The following SPNS1 variants were observed in gnomAD, a reference collection of about 807,000 sequenced individuals.
The protein encoded by SPNS1 is protein spinster homolog 1.
Under a neutral mutation model 50.3 loss-of-function variants are expected in SPNS1, and 22 were observed. The observed-to-expected ratio is 0.44, with a 90% CI of 0.31 to 0.62. SPNS1 has a LOEUF of 0.62. SPNS1 is among the 20% of genes least tolerant of loss of function. SPNS1 has a pLI of 0.07. For synonymous variants in SPNS1, 295 were observed against 317.4 expected, an observed-to-expected ratio of 0.93 and a Z score of 0.75; for missense variants, 576 against 728.6, an observed-to-expected ratio of 0.79 and a Z score of 2.41.
chr16:28,981,998 G>C lies in SPNS1; in HGVS notation c.907G>C (p.Val303Leu). The change falls in exon 7 of 12, where the codon GTG (valine) becomes CTG (leucine). Residue 303 changes from valine (V) to leucine (L), a missense_variant. Val to Leu is a conservative substitution (Grantham distance 32). This residue lies in a region of SPNS1 where 428 missense variants were observed against 520.1 expected (regional missense o/e 0.82). Coordinates refer to ENST00000311008, the MANE Select transcript of SPNS1 (RefSeq NM_032038.3). This position sits in a 1 kb window ranked among gnomAD's most constrained non-coding sequence, Gnocchi z 4.2. The part of the protein sequence containing the change: ...WAPAFLLRSR[V>L]VLGETPPCLP... ...TCCGGCATTCCTGCTGCGTTCCCGC[G>C]TGGTCCTTGGGGAGACCCCACCCTG... 1.2e-6 allele frequency: 2 copies of C among 1,614,194 alleles called. No homozygotes were observed. Among genetic ancestry groups the C allele is most frequent in the Non-Finnish European group, 1.7e-6 (2 of 1,180,044 alleles).
intron 2 of SPNS1, among the ~76,000 whole-genome samples, chr16:28,977,104 G>T (rs1313537002): frequency 6.6e-6 from 1 of 152,140 alleles, no homozygotes; most frequent in East Asian, 1.9e-4. Flanking sequence ...TGGATCACGA[G>T]ATCAGGAGAT....
chr16:28,975,589 G>C (rs373809494), intron 2 of SPNS1, 32 bp downstream of exon 2: 11 of 1,611,506 alleles, frequency 6.8e-6, no homozygotes, highest in Non-Finnish European at 9.3e-6. Flanking sequence ...TCACACAGCC[G>C]CTCCTCCTTC....
In SPNS1 at chr16:28,979,190, G is replaced by C. The variant is rs759200663; in HGVS notation, c.480G>C (p.Val160=). ...TGCTCCTCCTGACCCGGGGCCTGGT[G>C]GGGGTCGGGGAGGCCAGTTATTCCA... The part of the protein sequence containing the change: ...FWLLLLTRGL[V]GVGEASYSTI... The change falls in exon 4 of 12, where the codon GTG becomes GTC. Residue 160 remains valine, a synonymous_variant. Coordinates refer to ENST00000311008, the MANE Select transcript of SPNS1 (RefSeq NM_032038.3). The C allele has an allele frequency of 6.2e-7, 1 of 1,614,128 alleles. No homozygotes were observed. The highest frequency in any genetic ancestry group is 1.7e-5 in the Admixed American group (1 of 60,018).
intron 8 of SPNS1, 106 bp downstream of exon 8, chr16:28,982,651 T>A: frequency 7.4e-7 from 1 of 1,353,766 alleles, no homozygotes; most frequent in Middle Eastern, 1.9e-4. Flanking sequence ...ATCACAGCTC[T>A]GGCTCTTCCC....
At position 28,984,381 on chromosome 16, in the gene SPNS1, G is replaced by A. The variant is rs1157591704; in HGVS notation, c.*82G>A. ...CGAAGGGCCTGGGCCTAACCCCTTG[G>A]CCTGGCCCAGCTTCCAGAGGGACCC... On this transcript the variant is annotated 3_prime_UTR_variant, in exon 12 of 12. Coordinates refer to ENST00000311008, the MANE Select transcript of SPNS1 (RefSeq NM_032038.3). The A allele has an allele frequency of 7.3e-7, 1 of 1,377,820 alleles. No homozygotes were observed. Among genetic ancestry groups the A allele is most frequent in the South Asian group, 1.2e-5 (1 of 82,854 alleles). 85.3% of individuals were successfully genotyped at this position (1,377,820 alleles called of 1,614,324 possible). A position where few individuals can be genotyped will look rare whatever the true frequency, so the allele number is the denominator to read the frequency against.
chr16:28,979,151 C>A lies in SPNS1; in HGVS notation c.445-4C>A. ...TGCCACCTCTCCCCGGTCTCTCTCC[C>A]CAGCATTTCTGGCTGCTCCTCCTGA... On this transcript the variant is annotated splice_polypyrimidine_tract_variant and splice_region_variant and intron_variant, in intron 3 of 11. Coordinates refer to ENST00000311008, the MANE Select transcript of SPNS1 (RefSeq NM_032038.3). 3 of 1,613,294 alleles carry A rather than the reference C, an allele frequency of 1.9e-6. No homozygotes were observed. Among genetic ancestry groups the A allele is most frequent in the Non-Finnish European group, 2.5e-6 (3 of 1,179,742 alleles).
intron 9 of SPNS1, 41 bp downstream of exon 9, chr16:28,982,963 T>C: frequency 6.2e-7 from 1 of 1,609,158 alleles, no homozygotes; most frequent in Non-Finnish European, 8.5e-7. Flanking sequence ...CAGAGGCTGA[T>C]GAGAGCAGAG....
intron 2 of SPNS1, 110 bp from the exon 3 acceptor site, chr16:28,977,798 A>G: frequency 7.0e-7 from 1 of 1,418,618 alleles, no homozygotes; most frequent in Non-Finnish European, 9.6e-7. Context: ...GGGTGTTGTG[A>G]ATTCTGTAAG....
chr16:28,981,878 C>G lies in SPNS1; in HGVS notation c.810-23C>G, dbSNP rs751924365. ...CTCGACACCTCCGTGGGGTCTTACT[C>G]TCTCCCTCCCAACTATCTGCAGTCC... is the stretch of plus-strand genomic sequence containing the variant. On this transcript the variant is annotated intron_variant, in intron 6 of 11. Transcript: ENST00000311008. The surrounding 1 kb of genome is among the most constrained non-coding windows in gnomAD (Gnocchi z 4.2). The G allele has an allele frequency of 1.9e-6, 3 of 1,613,444 alleles. No homozygotes were observed. The highest frequency in any genetic ancestry group is 1.7e-6 in the Non-Finnish European group (2 of 1,179,646).
At position 28,977,914 on chromosome 16, in the gene SPNS1, T is replaced by G; in HGVS notation, c.314T>G (p.Ile105Ser). 2.5e-6 allele frequency: 4 copies of G among 1,613,708 alleles called. No homozygotes were observed. Among genetic ancestry groups the G allele is most frequent in the Non-Finnish European group, 3.4e-6 (4 of 1,179,814 alleles). ...SSSGLIQTVF[I>S]SSYMVLAPVF... ...ACTCTCTGCTTCCCCCTAGTGTTCA[T>G]CTCCAGTTACATGGTGTTGGCACCT... The change falls in exon 3 of 12, where the codon ATC becomes AGC. Residue 105 changes from isoleucine to serine, a missense_variant. By Grantham distance (142) the Ile-to-Ser change is moderately radical (BLOSUM62 -2). This residue lies in a region of SPNS1 where 144 missense variants were observed against 181.2 expected (regional missense o/e 0.79). Transcript: ENST00000311008.
chr16:28,983,129 GC>G lies in SPNS1; in HGVS notation c.1222-58del, dbSNP rs1965614595. 2.9e-6 allele frequency: 4 copies of G among 1,391,716 alleles called. No homozygotes were observed. The highest frequency in any genetic ancestry group is 3.0e-6 in the Non-Finnish European group (3 of 983,746). 86.2% of individuals were successfully genotyped at this position (1,391,716 alleles called of 1,614,324 possible). ...TAGGCGGATCCTTGGTGGTCTCCTG[GC>G]CCCCTGCCTCCTGCCCCCTGGAGCC... On this transcript the variant is annotated intron_variant, in intron 9 of 11. Coordinates refer to ENST00000311008, the MANE Select transcript of SPNS1 (RefSeq NM_032038.3). The surrounding 1 kb of genome is among the most constrained non-coding windows in gnomAD (Gnocchi z 5.4).
chr16:28,977,231 C>G (rs1965372892), intron 2 of SPNS1, among the ~76,000 whole-genome samples: 1 of 150,068 alleles, frequency 6.7e-6, no homozygotes, highest in East Asian at 2.0e-4. Context: ...GGCAGAATTG[C>G]TTGAACCTGG....
At chr16:28,978,811 G>T (rs752860454) in intron 3 of SPNS1, 73 of 242,990 alleles carry the variant, frequency 3.0e-4, no homozygotes, top group Non-Finnish European at 5.0e-4. Context: ...CCCATCTAAG[G>T]TCACTTATTC....
intron 7 of SPNS1, 24 bp downstream of exon 7, chr16:28,982,080 G>C (rs1238756404): frequency 6.2e-7 from 1 of 1,608,298 alleles, no homozygotes; most frequent in South Asian, 1.1e-5. Context: ...GCTATGCTGG[G>C]GGGCCTGCGG....
At chr16:28,979,581 T>G in intron 5 of SPNS1, 110 bp downstream of exon 5, 2 of 1,172,172 alleles carry the variant, frequency 1.7e-6, no homozygotes, top group Non-Finnish European at 2.5e-6. Context: ...GACAGGGTCT[T>G]GTTGTGTCAC....
At chr16:28,984,751 C>A, downstream of SPNS1, 1 of 983,344 alleles carries the variant, frequency 1.0e-6, no homozygotes, top group Non-Finnish European at 1.6e-6. Flanking sequence ...TTCCCTGGAG[C>A]CTGTCCCTTG....
chr16:28,978,453 G>A (rs1204862094), intron 3 of SPNS1: 3 of 174,010 alleles, frequency 1.7e-5, no homozygotes, highest in Non-Finnish European at 2.5e-5. Flanking sequence ...CTCGAGCGCT[G>A]CCACTGACTT....
Position 28,981,752 on chromosome 16 carries a change from T to G in SPNS1, c.809+137T>G. ...GATACTGTCCCCTTGTGGCAGCTGC[T>G]TGAATTACAGGCCCAGATCCTGGGA... On this transcript the variant is annotated intron_variant, in intron 6 of 11. Transcript: ENST00000311008. The surrounding 1 kb of genome is among the most constrained non-coding windows in gnomAD (Gnocchi z 4.2). 1 of 1,488,494 alleles carries G rather than the reference T, an allele frequency of 6.7e-7. No homozygotes were observed. The highest frequency in any genetic ancestry group is 9.1e-7 in the Non-Finnish European group (1 of 1,095,960). 92.2% of individuals were successfully genotyped at this position (1,488,494 alleles called of 1,614,324 possible). A position where few individuals can be genotyped will look rare whatever the true frequency, so the allele number is the denominator to read the frequency against.
chr16:28,975,724 A>G (rs1448564534), intron 2 of SPNS1, among the ~76,000 whole-genome samples, 167 bp downstream of exon 2: 5 of 152,210 alleles, frequency 3.3e-5, no homozygotes, highest in African/African-American at 1.2e-4. Context: ...CCACATTTAA[A>G]GAGGGAGTCA....
Sources: gnomAD v4.1 joint callset for allele counts (sites outside exome capture counted in the v4.1 genomes callset) on GRCh38, gnomAD v4.1.1 for gene constraint, gnomAD v4.1.1 regional missense constraint, Gnocchi (gnomAD v3.1) non-coding constraint, MANE v1.5 for transcripts, NCBI Gene and HGNC (gene_info 2026-07-23, HGNC 2026-07-21) for gene names.